Variants in KANTR observed in about 807,000 individuals in gnomAD.
KANTR encodes KANTR integral membrane protein.
downstream of KANTR, among the ~76,000 whole-genome samples, chrX:53,146,322 C>T (rs1458934192): frequency 8.9e-6 from 1 of 112,031 alleles, no homozygotes; most frequent in Non-Finnish European, 1.9e-5. Flanking sequence ...CTGAAAACCA[C>T]AGCACAAGAA....
chrX:53,101,025 T>C (rs1932888820), intron 2 of KANTR, among the ~76,000 whole-genome samples: 1 of 111,943 alleles, frequency 8.9e-6, no homozygotes, highest in South Asian at 3.7e-4. Context: ...TTGAAGAGAG[T>C]TAGGGCCTTG....
rs987925022 is a variant in KANTR, at chrX:53,109,039, A to C, written c.-805+9431A>C. Among the ~76,000 whole-genome samples, 122 of 111,870 alleles carry C rather than the reference A, an allele frequency of 1.1e-3. 1 individual carries two copies. The highest frequency in any genetic ancestry group is 4.9e-4 in the Non-Finnish European group (26 of 53,169). ...TTTGGTGTCTTTTGTGGTTTATACAAATTTTAGTATTTTTCTGTAAAAAAT... is the reference window on the plus strand; with the variant it reads ...TTTGGTGTCTTTTGTGGTTTATACACATTTTAGTATTTTTCTGTAAAAAAT... On this transcript the variant is annotated intron_variant, in intron 2 of 2. Transcript: ENST00000604062.
chrX:53,147,703 C>A (rs1357809053), downstream of KANTR, among the ~76,000 whole-genome samples: 1 of 110,986 alleles, frequency 9.0e-6, no homozygotes, highest in African/African-American at 3.3e-5. Flanking sequence ...CCAAAATTGA[C>A]CACATAGTTG....
At chrX:53,121,220 C>T (rs781969144) in intron 2 of KANTR, among the ~76,000 whole-genome samples, 5 of 111,218 alleles carry the variant, frequency 4.5e-5, no homozygotes, top group African/African-American at 6.5e-5. Context: ...GCTGGTCTCT[C>T]GAACTCCTGA....
chrX:53,118,484 G>A (rs1343874612), intron 2 of KANTR, among the ~76,000 whole-genome samples: 1 of 111,758 alleles, frequency 8.9e-6, no homozygotes, highest in Non-Finnish European at 1.9e-5. Flanking sequence ...AATTTTTCTG[G>A]GTACAATGGC....
chrX:53,141,863 G>A (rs1351594028), exon 3 of KANTR: 3 of 399,780 alleles, frequency 7.5e-6, no homozygotes, highest in Non-Finnish European at 1.0e-5. Context: ...AATCCAAACC[G>A]CTTCCAACTC....
chrX:53,142,618 A>G (rs1191562659), exon 3 of KANTR: 8 of 320,123 alleles, frequency 2.5e-5, no homozygotes, highest in African/African-American at 2.1e-4. Context: ...CTGGCCACAA[A>G]TTTCTTTTTG....
chrX:53,136,732 T>TATA (rs1933430807), intron 2 of KANTR, among the ~76,000 whole-genome samples: 1 of 21,539 alleles, frequency 4.6e-5, no homozygotes, highest in African/African-American at 8.8e-5. Context: ...ATATATATAT[T>TATA]TTGTTTGTTT....
downstream of KANTR, chrX:53,143,228 G>A (rs782217794): frequency 1.1e-5 from 7 of 645,932 alleles, no homozygotes; most frequent in Non-Finnish European, 1.8e-5. Flanking sequence ...GGGAGGAGGA[G>A]GATGTGGCAG....
At chrX:53,117,068 G>C (rs782674244) in intron 2 of KANTR, among the ~76,000 whole-genome samples, 1 of 111,219 alleles carries the variant, frequency 9.0e-6, no homozygotes, top group Non-Finnish European at 1.9e-5. Context: ...AATCACTTGA[G>C]GTCAGGAGTT....
chrX:53,118,808 G>A (rs1602121500), intron 2 of KANTR, among the ~76,000 whole-genome samples: 1 of 109,064 alleles, frequency 9.2e-6, no homozygotes, highest in East Asian at 2.9e-4. Flanking sequence ...TTCTCACTAC[G>A]TTGTCAAGAC....
chrX:53,122,258 G>A (rs1231885874), intron 2 of KANTR, among the ~76,000 whole-genome samples: 1 of 111,758 alleles, frequency 8.9e-6, no homozygotes, highest in Admixed American at 9.5e-5. Context: ...GCCAGCACTA[G>A]GAAATGCTCC....
At chrX:53,143,185 C>T, downstream of KANTR, 2 of 800,167 alleles carry the variant, frequency 2.5e-6, no homozygotes, top group Non-Finnish European at 3.8e-6. Context: ...GATGACCTGA[C>T]CTGGCCATCA....
downstream of KANTR, among the ~76,000 whole-genome samples, chrX:53,129,235 T>TTGTATGTGTG: frequency 1.2e-5 from 1 of 83,360 alleles, no homozygotes; most frequent in Non-Finnish European, 2.3e-5. Context: ...GCCTGGCTAT[T>TTGTATGTGTG]TGTGTGTGTG....
chrX:53,105,631 A>G (rs1185952707), intron 2 of KANTR, among the ~76,000 whole-genome samples: 1 of 103,302 alleles, frequency 9.7e-6, no homozygotes, highest in Non-Finnish European at 2.0e-5. Context: ...CTGGGACTAC[A>G]GGCACACAAC....
At chrX:53,141,661 C>G (rs1276010677) in intron 2 of KANTR, among the ~76,000 whole-genome samples, 1 of 100,835 alleles carries the variant, frequency 9.9e-6, no homozygotes, top group East Asian at 3.2e-4. Flanking sequence ...CTCCTTCTCC[C>G]ACTCTCTATT....
intron 2 of KANTR, among the ~76,000 whole-genome samples, chrX:53,109,748 T>C (rs1556813425): frequency 1.1e-5 from 1 of 89,184 alleles, no homozygotes; most frequent in Non-Finnish European, 2.2e-5. Flanking sequence ...AACGGTTTTC[T>C]TTTTTCTTTC....
chrX:53,141,900 T>C, exon 3 of KANTR: 2 of 507,684 alleles, frequency 3.9e-6, no homozygotes, highest in Non-Finnish European at 5.2e-6. Flanking sequence ...CACGGTGTTC[T>C]GGCAGGAAAA....
In KANTR at chrX:53,139,923, G is replaced by A. The variant is rs782136487; in HGVS notation, n.204-1925G>A. On this transcript the variant is annotated intron_variant and non_coding_transcript_variant, in intron 2 of 2. Transcript: ENST00000366185. ...GAAGAAAGAAAAAGAAGACAGCAAC[G>A]CCAATAGAAAATTAGCCAAAGCATA... 9.8e-5 allele frequency among the ~76,000 whole-genome samples: 11 copies of A among 112,291 alleles called. No individual in the cohort carries two copies. In the East Asian group the frequency reaches 2.5e-3, roughly 26 times the overall value.
Sources: allele counts gnomAD v4.1 joint callset (sites outside exome capture counted in the v4.1 genomes callset), GRCh38; gene constraint gnomAD v4.1.1; transcripts MANE v1.5; gene names NCBI Gene and HGNC (gene_info 2026-07-23, HGNC 2026-07-21).